The following IRAK4 variants were observed in gnomAD, a reference collection of about 807,000 sequenced individuals.
The protein encoded by IRAK4 is interleukin-1 receptor-associated kinase 4.
Under a neutral mutation model 51.8 loss-of-function variants are expected in IRAK4, and 44 were observed. The observed-to-expected ratio is 0.85, with a 90% CI of 0.67 to 1.09. The LOEUF is 1.09. Among genes scored for constraint, IRAK4 ranks in the 50% least tolerant of loss-of-function variants. The pLI, the probability that IRAK4 is intolerant of heterozygous loss-of-function variation, is 0.00. For synonymous variants in IRAK4, 149 were observed against 174.1 expected (o/e 0.86, Z 1.13); for missense variants, 487 against 538.0 (o/e 0.91, Z 0.94).
intron 1 of IRAK4, among the ~76,000 whole-genome samples, chr12:43,765,636 A>AT (rs201903047): frequency 0.021 from 3,216 of 152,032 alleles, 123 homozygotes; most frequent in African/African-American, 0.072. Context: ...TTTGCAAAAA[A>AT]AAAAAAATTG....
rs770943951 is a variant in IRAK4, at chr12:43,774,025, G to T, written c.712G>T (p.Ala238Ser). 1 of 1,608,008 alleles carries T rather than the reference G, an allele frequency of 6.2e-7. No homozygotes were observed. The highest frequency in any genetic ancestry group is 1.7e-5 in the Admixed American group (1 of 60,014). Residue 238 changes from alanine to serine, a missense_variant, in exon 6 of 12, where the codon GCA (alanine) becomes TCA (serine). Physicochemically the swap from Ala to Ser is moderately conservative, Grantham distance 99. Transcript: ENST00000613694. The part of the protein sequence containing the change: ...QQFDQEIKVM[A>S]KCQHENLVEL... ...GTTTGATCAAGAAATAAAAGTAATG[G>T]CAAAGTAAGTCTTAATCTGGCAGTG...
chr12:43,769,524 C>T (rs914276074), intron 2 of IRAK4, among the ~76,000 whole-genome samples: 15 of 152,110 alleles, frequency 9.9e-5, no homozygotes, highest in East Asian at 1.9e-4. Context: ...TGGTAGTGCA[C>T]GCCTGTAGTC....
intron 1 of IRAK4, among the ~76,000 whole-genome samples, chr12:43,763,674 C>T (rs534653498): frequency 6.6e-6 from 1 of 151,852 alleles, no homozygotes; most frequent in Admixed American, 6.6e-5. Context: ...CTTGCATGCT[C>T]TCCTCCCTCT....
At chr12:43,765,834 A>G (rs1940084112) in intron 1 of IRAK4, among the ~76,000 whole-genome samples, 1 of 148,292 alleles carries the variant, frequency 6.7e-6, no homozygotes, top group African/African-American at 2.5e-5. Flanking sequence ...CACATTTAAC[A>G]TGAGCCAAAA....
At chr12:43,762,808 A>G (rs377119061) in intron 1 of IRAK4, among the ~76,000 whole-genome samples, 1 of 152,212 alleles carries the variant, frequency 6.6e-6, no homozygotes, top group East Asian at 1.9e-4. Context: ...TATGTGGGCT[A>G]TTCTTTTACC....
intron 1 of IRAK4, among the ~76,000 whole-genome samples, chr12:43,762,126 A>T (rs1313288888): frequency 1.3e-5 from 2 of 152,248 alleles, no homozygotes; most frequent in Non-Finnish European, 2.9e-5. Context: ...TCACCAAGGG[A>T]TAACCACGTT....
chr12:43,782,640 T>C (rs1372161438), intron 9 of IRAK4, 150 bp downstream of exon 9: 3 of 667,610 alleles, frequency 4.5e-6, no homozygotes, highest in East Asian at 5.6e-5. Flanking sequence ...CCAGAAAGTT[T>C]ATAAAAACTT....
chr12:43,782,254 CT>C, intron 8 of IRAK4, 52 bp from the exon 9 acceptor site: 1 of 1,308,944 alleles, frequency 7.6e-7, no homozygotes, highest in Non-Finnish European at 1.1e-6. Flanking sequence ...AACTGTTTGA[CT>C]TTTTTGGGGT....
chr12:43,772,439 C>T, intron 4 of IRAK4, 77 bp downstream of exon 4: 1 of 1,339,356 alleles, frequency 7.5e-7, no homozygotes, highest in Non-Finnish European at 1.1e-6. Context: ...AGCTCTTGCT[C>T]TTTTGTTTGT....
intron 1 of IRAK4, among the ~76,000 whole-genome samples, chr12:43,759,828 A>G (rs1411785736): frequency 6.7e-6 from 1 of 149,630 alleles, no homozygotes; most frequent in African/African-American, 2.5e-5. Flanking sequence ...AGATCGTGCC[A>G]CTACACTCCA....
In IRAK4 at chr12:43,782,295, C is replaced by T. The variant is rs752682600; in HGVS notation, c.942-12C>T. On this transcript the variant is annotated splice_polypyrimidine_tract_variant and intron_variant, in intron 8 of 11. Coordinates refer to ENST00000613694, the MANE Select transcript of IRAK4 (RefSeq NM_016123.4). Reference sequence around the variant, plus strand: ...AAAACATTTTTTTCTTCAAACTTTACATTTTTTTCAGTGCAAATATCTTAC... The same window carrying T: ...AAAACATTTTTTTCTTCAAACTTTATATTTTTTTCAGTGCAAATATCTTAC... 1 of 1,602,406 alleles carries T rather than the reference C, an allele frequency of 6.2e-7. No homozygotes were observed. Among genetic ancestry groups the T allele is most frequent in the East Asian group, 2.2e-5 (1 of 44,812 alleles).
intron 1 of IRAK4, 111 bp downstream of exon 1, chr12:43,759,127 C>T (rs1365889653): frequency 6.6e-6 from 1 of 152,244 alleles, no homozygotes; most frequent in Non-Finnish European, 1.5e-5. Flanking sequence ...ACGGAAATCT[C>T]TTTATCATCC....
chr12:43,773,760 T>G (rs139850350), intron 5 of IRAK4: 20 of 391,756 alleles, frequency 5.1e-5, no homozygotes, highest in African/African-American at 3.3e-4. Context: ...TCAGTGAAAT[T>G]TATATATATT....
At chr12:43,769,083 A>G (rs1281462640) in intron 2 of IRAK4, among the ~76,000 whole-genome samples, 1 of 152,180 alleles carries the variant, frequency 6.6e-6, no homozygotes, top group Non-Finnish European at 1.5e-5. Flanking sequence ...TTTTGATATT[A>G]CTGTTAAAAA....
At chr12:43,785,173 G>C (rs1942099093) in intron 10 of IRAK4, among the ~76,000 whole-genome samples, 1 of 151,964 alleles carries the variant, frequency 6.6e-6, no homozygotes, top group Non-Finnish European at 1.5e-5. Context: ...TCTCATCTCA[G>C]GATACTTAAT....
At chr12:43,767,855 A>G (rs1043313530) in intron 1 of IRAK4, among the ~76,000 whole-genome samples, 2 of 152,204 alleles carry the variant, frequency 1.3e-5, no homozygotes, top group Non-Finnish European at 1.5e-5. Flanking sequence ...GTGTCAGAAA[A>G]AAGTCCTCCG....
Position 43,786,495 on chromosome 12 carries a change from A to G in IRAK4, c.1285A>G (p.Met429Val), listed in dbSNP as rs1942221418. ...NDADSTSVEAMYSVASQCLHE... is the reference protein window; with the variant it reads ...NDADSTSVEAVYSVASQCLHE... ...TGCTGATTCCACTTCAGTTGAAGCT[A>G]TGTACTCTGTTGCTAGTCAATGTCT... Residue 429 changes from methionine to valine, a missense_variant, in exon 11 of 12, where the codon ATG becomes GTG. Met to Val is a conservative substitution (Grantham distance 21, BLOSUM62 1). Transcript: ENST00000613694. 5 of 1,613,504 alleles carry G rather than the reference A, an allele frequency of 3.1e-6. No individual in the cohort carries two copies. Among genetic ancestry groups the G allele is most frequent in the African/African-American group, 2.7e-5 (2 of 75,010 alleles).
Position 43,771,458 on chromosome 12 carries a change from T to C in IRAK4, c.307+93T>C. Reference sequence around the variant, plus strand: ...TCTTCTTACTCTTCCTTTTTTCTCATAGTAGATGAAGCTTACATTTGAGAG... The same window carrying C: ...TCTTCTTACTCTTCCTTTTTTCTCACAGTAGATGAAGCTTACATTTGAGAG... On this transcript the variant is annotated intron_variant, in intron 3 of 11. Transcript: ENST00000613694. 5 of 1,314,940 alleles carry C rather than the reference T, an allele frequency of 3.8e-6. No individual in the cohort carries two copies. The South Asian group carries it at 4.9e-5, about 13-fold the overall frequency. 81.5% of individuals were successfully genotyped at this position (1,314,940 alleles called of 1,614,324 possible). A position where few individuals can be genotyped will look rare whatever the true frequency, so the allele number is the denominator to read the frequency against.
intron 8 of IRAK4, among the ~76,000 whole-genome samples, chr12:43,781,266 C>T (rs1200639045): frequency 6.6e-6 from 1 of 152,192 alleles, no homozygotes; most frequent in East Asian, 1.9e-4. Flanking sequence ...TACAAACCTT[C>T]GTAGTCAACC....
Sources: allele counts gnomAD v4.1 joint callset (sites outside exome capture counted in the v4.1 genomes callset), GRCh38; gene constraint gnomAD v4.1.1; transcripts MANE v1.5; gene names NCBI Gene and HGNC (gene_info 2026-07-23, HGNC 2026-07-21).